MSH6: variants seen among roughly 807,000 people sequenced by gnomAD.
MSH6 encodes the protein mutS homolog 6, also known as DNA mismatch repair protein Msh6.
A neutral mutation model predicts 119.1 loss-of-function variants in MSH6; 85 were observed. The ratio of observed to expected loss-of-function variants is 0.71; its 90% confidence interval spans 0.60 to 0.85. MSH6 has a LOEUF of 0.85. Ranked by LOEUF, MSH6 falls within the 40% of genes least tolerant of loss-of-function variation. The pLI is 0.00. For missense variants in MSH6, 2,163 were observed against 1,655.3 expected, an observed-to-expected ratio of 1.31 and a Z score of -5.32; for synonymous variants, 830 against 586.9, an observed-to-expected ratio of 1.41 and a Z score of -5.99.
intron 2 of MSH6, among the ~76,000 whole-genome samples, chr2:47,794,342 G>C (rs1668940291): frequency 6.6e-6 from 1 of 151,988 alleles, no homozygotes; most frequent in South Asian, 2.1e-4. Flanking sequence ...TGCAGTCTTG[G>C]CTCACTGCAA....
intron 7 of MSH6, 78 bp from the exon 8 acceptor site, chr2:47,806,125 GT>G (rs1475479990): frequency 2.1e-6 from 3 of 1,404,614 alleles, no homozygotes; most frequent in Non-Finnish European, 3.0e-6. Flanking sequence ...TTGCTTTTCT[GT>G]CCTAGCATTT....
Position 47,791,182 on chromosome 2 carries a change from AACAG to A in MSH6, c.457+68_457+71del, listed in dbSNP as rs374212811. 4.1e-4 allele frequency: 606 copies of A among 1,475,564 alleles called. 2 individuals carry two copies. The highest frequency in any genetic ancestry group is 1.1e-3 in the Middle Eastern group (6 of 5,526). The allele number at this position is 1,475,564 out of a possible 1,614,324, so 91.4% of individuals were successfully genotyped here. A position where few individuals can be genotyped will look rare whatever the true frequency, so the allele number is the denominator to read the frequency against. ...TGTGTGTGTGTGTGTGTGTGAGAGA[AACAG>A]ACAGACAGGCAGACTTTTTTCTATA... On this transcript the variant is annotated intron_variant, in intron 2 of 9. Transcript: ENST00000234420.
rs967119437 is a variant in MSH6 at position 47,798,478 on chromosome 2, T to C, written c.628-133T>C. On this transcript the variant is annotated intron_variant, in intron 3 of 9. Coordinates refer to ENST00000234420, the MANE Select transcript of MSH6 (RefSeq NM_000179.3). ...TGCCTATCTCATGTAATTCATCGAATACTGTACTAAAAATGAAAAACAGTG... is the reference window on the plus strand; with the variant it reads ...TGCCTATCTCATGTAATTCATCGAACACTGTACTAAAAATGAAAAACAGTG... 6 of 874,340 alleles carry C rather than the reference T, an allele frequency of 6.9e-6. No individual in the cohort carries two copies. In the African/African-American group the frequency reaches 8.4e-5, roughly 12 times the overall value. 54.2% of individuals were successfully genotyped at this position (874,340 alleles called of 1,614,324 possible).
In MSH6 at chr2:47,795,040, G is replaced by C. The variant is rs3136309; in HGVS notation, c.458-854G>C. 8.0e-3 allele frequency among the ~76,000 whole-genome samples: 1,218 copies of C among 152,232 alleles called. 13 individuals carry two copies. The highest frequency in any genetic ancestry group is 0.028 in the African/African-American group (1,158 of 41,528). ...GAACTCCTGACCTCGTGATCTGCCT[G>C]CTTCTGCCTCCCAGAGTGCTGGGAT... On this transcript the variant is annotated intron_variant, in intron 2 of 9. Transcript: ENST00000234420.
intron 7 of MSH6, 37 bp downstream of exon 7, chr2:47,805,744 C>G (rs749808872): frequency 1.5e-6 from 2 of 1,298,684 alleles, no homozygotes; most frequent in Non-Finnish European, 2.2e-6. Context: ...GACTATCTAT[C>G]TTAAAAACAT....
At chr2:47,801,801 G>C (rs532538677) in intron 4 of MSH6, among the ~76,000 whole-genome samples, 1 of 151,888 alleles carries the variant, frequency 6.6e-6, no homozygotes, top group Admixed American at 6.6e-5. Flanking sequence ...GGCGTGCCCT[G>C]CTTTATTTTT....
intron 1 of MSH6, chr2:47,784,400 G>C (rs1343587654): frequency 1.2e-5 from 3 of 253,052 alleles, no homozygotes; most frequent in Non-Finnish European, 1.9e-5. Context: ...AAGATGTGTG[G>C]ACGTGAGTGA....
chr2:47,790,159 C>T (rs902397312), intron 1 of MSH6, among the ~76,000 whole-genome samples: 1 of 152,136 alleles, frequency 6.6e-6, no homozygotes, highest in Non-Finnish European at 1.5e-5. Context: ...CGGTGGCTCA[C>T]GCCTGTAATC....
intron 4 of MSH6, chr2:47,801,395 G>C: frequency 3.7e-6 from 1 of 273,152 alleles, no homozygotes. Flanking sequence ...TTGAGACATG[G>C]TCTTGCTCTG....
At chr2:47,802,921 T>C (rs563075677) in intron 4 of MSH6, among the ~76,000 whole-genome samples, 3 of 152,168 alleles carry the variant, frequency 2.0e-5, no homozygotes, top group African/African-American at 4.8e-5. Context: ...GTTTGTTTTG[T>C]TTTGTTTTTT....
At position 47,799,868 on chromosome 2, in the gene MSH6, G is replaced by T. The variant is rs1064795030; in HGVS notation, c.1885G>T (p.Asp629Tyr). The change falls in exon 4 of 10, where the codon GAT becomes TAT. Residue 629 changes from aspartate to tyrosine, a missense_variant. By Grantham distance (160) the Asp-to-Tyr change is radical. Coordinates refer to ENST00000234420, the MANE Select transcript of MSH6 (RefSeq NM_000179.3). The stretch of plus-strand genomic sequence containing the variant: ...TCTGATACCCGGCTCCCAGTTTTGG[G>T]ATGCATCCAAAACTTTGAGAACTCT... ...EGLIPGSQFW[D>Y]ASKTLRTLLE... 6.2e-7 allele frequency: 1 copy of T among 1,614,122 alleles called. No homozygotes were observed.
rs777813805 is a variant in MSH6 at position 47,805,725 on chromosome 2, T to A, written c.3646+18T>A. ...TGAATTAGGTAAGACATTAAACTTCTCATTTGAAGACTATCTATCTTAAAA... is the reference window on the plus strand; with the variant it reads ...TGAATTAGGTAAGACATTAAACTTCACATTTGAAGACTATCTATCTTAAAA... On this transcript the variant is annotated intron_variant, in intron 7 of 9. Coordinates refer to ENST00000234420, the MANE Select transcript of MSH6 (RefSeq NM_000179.3). 11 of 1,466,198 alleles carry A rather than the reference T, an allele frequency of 7.5e-6. No homozygotes were observed. Among genetic ancestry groups the A allele is most frequent in the Non-Finnish European group, 1.0e-5 (11 of 1,078,640 alleles). 90.8% of individuals were successfully genotyped at this position (1,466,198 alleles called of 1,614,324 possible). A position where few individuals can be genotyped will look rare whatever the true frequency, so the allele number is the denominator to read the frequency against.
intron 1 of MSH6, 120 bp downstream of exon 1, chr2:47,783,613 A>G: frequency 9.4e-7 from 1 of 1,058,490 alleles, no homozygotes; most frequent in Non-Finnish European, 1.3e-6. Flanking sequence ...GGCTCGGAGG[A>G]GGCGGGGCCG....
In MSH6 at chr2:47,806,344, C is replaced by A; in HGVS notation, c.3787C>A (p.Arg1263Ser). The A allele has an allele frequency of 6.2e-7, 1 of 1,614,046 alleles. No homozygotes were observed. Among genetic ancestry groups the A allele is most frequent in the Non-Finnish European group, 8.5e-7 (1 of 1,179,988 alleles). ...VEDYSQNVAV[R>S]LGHMACMVEN... The stretch of plus-strand genomic sequence containing the variant: ...AGATTATTCTCAAAATGTTGCTGTG[C>A]GCCTAGGACATATGGTATGTGCAAA... Residue 1263 changes from arginine (R) to serine (S), a missense_variant, in exon 8 of 10, where the codon CGC becomes AGC. By Grantham distance (110) the Arg-to-Ser change is moderately radical. Coordinates refer to ENST00000234420, the MANE Select transcript of MSH6 (RefSeq NM_000179.3).
chr2:47,784,360 CT>C, intron 1 of MSH6: 3 of 579,314 alleles, frequency 5.2e-6, no homozygotes, highest in Non-Finnish European at 6.5e-6. Context: ...CACCACTGGG[CT>C]TTTAGAGGCC....
At chr2:47,783,536 G>C in intron 1 of MSH6, 43 bp downstream of exon 1, 2 of 1,406,050 alleles carry the variant, frequency 1.4e-6, no homozygotes, top group Non-Finnish European at 1.9e-6. Context: ...GCATAGCGGC[G>C]GGGCGCTTGG....
Position 47,799,162 on chromosome 2 carries a change from A to C in MSH6, c.1179A>C (p.Ala393=), listed in dbSNP as rs144961390. ...GGCCTGATCACCCCGATTTTGATGC[A>C]TCTACACTCTATGTGCCTGAGGATT... ...RRRPDHPDFD[A]STLYVPEDFL... is the part of the protein sequence containing the mutation. The change falls in exon 4 of 10, where the codon GCA becomes GCC. Residue 393 remains alanine (A), a synonymous_variant. Coordinates refer to ENST00000234420, the MANE Select transcript of MSH6 (RefSeq NM_000179.3). 1 of 1,614,146 alleles carries C rather than the reference A, an allele frequency of 6.2e-7. No individual in the cohort carries two copies. Among genetic ancestry groups the C allele is most frequent in the South Asian group, 1.1e-5 (1 of 91,080 alleles).
At position 47,805,601 on chromosome 2, in the gene MSH6, ATTT is replaced by A. The variant is rs267608102; in HGVS notation, c.3557-6_3557-4del. 3.6e-5 allele frequency: 49 copies of A among 1,346,398 alleles called. No individual in the cohort carries two copies. The highest frequency in any genetic ancestry group is 1.2e-4 in the African/African-American group (8 of 68,490). 83.4% of individuals were successfully genotyped at this position (1,346,398 alleles called of 1,614,324 possible). On this transcript the variant is annotated splice_polypyrimidine_tract_variant and intron_variant, in intron 6 of 9. Coordinates refer to ENST00000234420, the MANE Select transcript of MSH6 (RefSeq NM_000179.3). ...TTTGCAAAATGAGTATTCATTTGTG[ATTT>A]TTTTTTTTTTAAGGTGAAAGTACAT...
chr2:47,788,592 C>T (rs3136261), intron 1 of MSH6, among the ~76,000 whole-genome samples: 87 of 103,422 alleles, frequency 8.4e-4, no homozygotes, highest in East Asian at 3.3e-3. Flanking sequence ...TTTTTTGAGA[C>T]GGAGTCTTGC....
Sources: gnomAD v4.1 joint callset for allele counts (sites outside exome capture counted in the v4.1 genomes callset) on GRCh38, gnomAD v4.1.1 for gene constraint, MANE v1.5 for transcripts, NCBI Gene and HGNC (gene_info 2026-07-23, HGNC 2026-07-21) for gene names.